Variants in ROR2 observed in about 807,000 individuals in gnomAD.
The protein encoded by ROR2 is tyrosine-protein kinase transmembrane receptor ROR2.
A neutral mutation model predicts 74.9 loss-of-function variants in ROR2; 33 were observed. That is an observed-to-expected ratio of 0.44 (90% confidence interval 0.33 to 0.59). ROR2 has a LOEUF of 0.59. Among genes scored for constraint, ROR2 ranks in the 20% least tolerant of loss-of-function variants. The pLI, the probability that ROR2 is intolerant of heterozygous loss-of-function variation, is 0.02. For missense variants in ROR2, 1,216 were observed against 1,313.8 expected, an observed-to-expected ratio of 0.93 and a Z score of 1.15; for synonymous variants, 586 against 558.7, an observed-to-expected ratio of 1.05 and a Z score of -0.69.
At position 91,730,196 on chromosome 9, in the gene ROR2, G is replaced by A. The variant is rs375685542; in HGVS notation, c.1183+714C>T. Among the ~76,000 whole-genome samples, 458 of 152,258 alleles carry A rather than the reference G, an allele frequency of 3.0e-3. 4 individuals carry two copies. The highest frequency in any genetic ancestry group is 6.8e-3 in the Middle Eastern group (2 of 294). ...GGGTTCAAGAGATCCACCCGTCTTGGCCTCCCAAAGTACTGGGATTACAGG... is the reference window on the plus strand; with the variant it reads ...GGGTTCAAGAGATCCACCCGTCTTGACCTCCCAAAGTACTGGGATTACAGG... On this transcript the variant is annotated intron_variant, in intron 7 of 8. Transcript: ENST00000375708.
chr9:91,948,646 G>A (rs1039036590), intron 1 of ROR2: 1 of 985,384 alleles, frequency 1.0e-6, no homozygotes, highest in Non-Finnish European at 1.2e-6. Flanking sequence ...TACCTGGAGC[G>A]CGCAGCTCCC....
At chr9:91,750,411 G>A (rs1825563241) in intron 4 of ROR2, among the ~76,000 whole-genome samples, 1 of 152,106 alleles carries the variant, frequency 6.6e-6, no homozygotes. Flanking sequence ...GTACATTTTT[G>A]GTTAAAGACA....
At chr9:91,793,699 T>C (rs1587724348) in intron 1 of ROR2, among the ~76,000 whole-genome samples, 1 of 149,392 alleles carries the variant, frequency 6.7e-6, no homozygotes, top group Non-Finnish European at 1.5e-5. Context: ...GAGGGGGAGG[T>C]TGCAGTAAGC....
intron 1 of ROR2, among the ~76,000 whole-genome samples, chr9:91,896,137 A>T (rs1045812733): frequency 1.3e-5 from 2 of 152,208 alleles, no homozygotes; most frequent in Non-Finnish European, 2.9e-5. Context: ...AGTTTTCCAA[A>T]ATCTGTCTTC....
chr9:91,902,033 T>A (rs1192865097), intron 1 of ROR2, among the ~76,000 whole-genome samples: 1 of 152,164 alleles, frequency 6.6e-6, no homozygotes, highest in East Asian at 1.9e-4. Flanking sequence ...TCCCAACATT[T>A]AATCCACACA....
intron 4 of ROR2, among the ~76,000 whole-genome samples, chr9:91,749,736 G>A (rs367686609): frequency 8.5e-5 from 13 of 152,192 alleles, no homozygotes; most frequent in African/African-American, 2.9e-4. Context: ...TACAGATTAG[G>A]TAATTCATTA....
intron 1 of ROR2, among the ~76,000 whole-genome samples, chr9:91,898,709 G>A (rs1830598066): frequency 6.6e-6 from 1 of 152,170 alleles, no homozygotes; most frequent in Non-Finnish European, 1.5e-5. Flanking sequence ...ACTTTAAAAG[G>A]ACAATCTTGT....
At chr9:91,800,532 G>C (rs1354448027) in intron 1 of ROR2, among the ~76,000 whole-genome samples, 1 of 152,094 alleles carries the variant, frequency 6.6e-6, no homozygotes, top group African/African-American at 2.4e-5. Flanking sequence ...CTCAAGGAAA[G>C]GAGCAATTTC....
chr9:91,838,003 C>T (rs977556837), intron 1 of ROR2, among the ~76,000 whole-genome samples: 1 of 152,132 alleles, frequency 6.6e-6, no homozygotes, highest in Non-Finnish European at 1.5e-5. Context: ...CCCATACTCC[C>T]CCTACCCTCA....
intron 1 of ROR2, among the ~76,000 whole-genome samples, chr9:91,854,706 C>T (rs1313028331): frequency 6.6e-6 from 1 of 152,174 alleles, no homozygotes; most frequent in African/African-American, 2.4e-5. Flanking sequence ...AAGTGGAAGG[C>T]GGTTGGTAAG....
intron 2 of ROR2, among the ~76,000 whole-genome samples, chr9:91,770,726 C>G (rs990954650): frequency 1.3e-5 from 2 of 152,214 alleles, no homozygotes; most frequent in Non-Finnish European, 2.9e-5. Context: ...TTGTGAATAA[C>G]AAGCCTGACA....
At chr9:91,736,596 G>A (rs1825033572) in intron 5 of ROR2, among the ~76,000 whole-genome samples, 1 of 152,236 alleles carries the variant, frequency 6.6e-6, no homozygotes, top group Non-Finnish European at 1.5e-5. Flanking sequence ...GAGAGAAAAT[G>A]TGTATGTGTT....
At chr9:91,837,878 C>T (rs1026462167) in intron 1 of ROR2, among the ~76,000 whole-genome samples, 1 of 152,200 alleles carries the variant, frequency 6.6e-6, no homozygotes, top group Non-Finnish European at 1.5e-5. Flanking sequence ...TACAGCGCCA[C>T]GTGTTCACAC....
intron 1 of ROR2, among the ~76,000 whole-genome samples, chr9:91,924,718 A>G (rs553216620): frequency 1.3e-3 from 197 of 152,182 alleles, no homozygotes; most frequent in African/African-American, 4.5e-3. Flanking sequence ...GCGGGAACCC[A>G]GGAGGCGGAG....
Position 91,726,754 on chromosome 9 carries a change from T to C in ROR2, c.1184-11A>G. On this transcript the variant is annotated splice_polypyrimidine_tract_variant and intron_variant, in intron 7 of 8. Transcript: ENST00000375708. ...TGCTGTCTCGGGGACCTGTGAACAA[T>C]AAGGCTTTCGTGATTTTTCAGAAAA... is the stretch of plus-strand genomic sequence containing the variant. The C allele has an allele frequency of 6.2e-7, 1 of 1,613,632 alleles. No individual in the cohort carries two copies. Among genetic ancestry groups the C allele is most frequent in the Non-Finnish European group, 8.5e-7 (1 of 1,179,780 alleles).
chr9:91,817,106 G>A (rs950641589), intron 1 of ROR2, among the ~76,000 whole-genome samples: 52 of 152,178 alleles, frequency 3.4e-4, no homozygotes, highest in Admixed American at 1.3e-4. Flanking sequence ...CCTCTGAGCA[G>A]GCAGAGGGCA....
At chr9:91,926,875 G>A (rs984320368) in intron 1 of ROR2, among the ~76,000 whole-genome samples, 2 of 152,232 alleles carry the variant, frequency 1.3e-5, no homozygotes, top group African/African-American at 4.8e-5. Context: ...TGGGGAGAGA[G>A]CTTCTGTTTG....
chr9:91,724,070 G>A lies in ROR2; in HGVS notation c.2424C>T (p.Ile808=), dbSNP rs376416766. 7 of 1,610,912 alleles carry A rather than the reference G, an allele frequency of 4.3e-6. No homozygotes were observed. In the African/African-American group the frequency reaches 9.3e-5, roughly 21 times the overall value. ...QPQFIPMKGQ[I]RPMVPPPQLY... ...GCTGCGGCGGGGGCACCATGGGTCT[G>A]ATCTGGCCCTTCATGGGGATGAACT... The change falls in exon 9 of 9, where the codon ATC becomes ATT. Residue 808 remains isoleucine (I), a synonymous_variant. Transcript: ENST00000375708.
intron 4 of ROR2, among the ~76,000 whole-genome samples, chr9:91,750,621 G>T (rs891040593): frequency 9.2e-5 from 14 of 152,130 alleles, no homozygotes; most frequent in Non-Finnish European, 1.6e-4. Context: ...TAGACAGAAA[G>T]GATATGTGCT....
Sources: allele counts gnomAD v4.1 joint callset (sites outside exome capture counted in the v4.1 genomes callset), GRCh38; gene constraint gnomAD v4.1.1; transcripts MANE v1.5; gene names NCBI Gene and HGNC (gene_info 2026-07-23, HGNC 2026-07-21).